Variants in LDB2 observed in about 807,000 individuals in gnomAD.
LDB2 encodes LIM domain-binding protein 2.
A neutral mutation model predicts 44.3 loss-of-function variants in LDB2; 12 were observed. The ratio of observed to expected loss-of-function variants is 0.27; its 90% confidence interval spans 0.17 to 0.44. LDB2 has a LOEUF of 0.44. Among genes scored for constraint, LDB2 ranks in the 20% least tolerant of loss-of-function variants. The pLI, the probability that LDB2 is intolerant of heterozygous loss-of-function variation, is 1.00. For missense variants in LDB2, 344 were observed against 473.5 expected (o/e 0.73, Z 2.54); for synonymous variants, 164 against 174.8 (o/e 0.94, Z 0.49).
intron 2 of LDB2, among the ~76,000 whole-genome samples, chr4:16,745,891 G>T (rs1401111179): frequency 7.0e-6 from 1 of 142,006 alleles, no homozygotes; most frequent in Non-Finnish European, 1.5e-5. Flanking sequence ...ATTCTCTATT[G>T]TTGAAAAAAA....
chr4:16,695,502 T>C (rs535011684), intron 2 of LDB2, among the ~76,000 whole-genome samples: 1 of 151,780 alleles, frequency 6.6e-6, no homozygotes, highest in African/African-American at 2.4e-5. Context: ...TTATAAAACA[T>C]TGTAAAAAGA....
intron 5 of LDB2, among the ~76,000 whole-genome samples, chr4:16,547,297 G>A (rs1184572305): frequency 6.6e-6 from 1 of 152,198 alleles, no homozygotes; most frequent in Non-Finnish European, 1.5e-5. Context: ...GACCTTCAGA[G>A]GGAGCGCAGC....
At chr4:16,585,315 G>A (rs1254922435) in intron 5 of LDB2, among the ~76,000 whole-genome samples, 1 of 152,136 alleles carries the variant, frequency 6.6e-6, no homozygotes, top group African/African-American at 2.4e-5. Flanking sequence ...CACCACAATG[G>A]CAGGGGTGTT....
At chr4:16,812,131 T>C (rs1779994092) in intron 1 of LDB2, among the ~76,000 whole-genome samples, 1 of 152,154 alleles carries the variant, frequency 6.6e-6, no homozygotes, top group Non-Finnish European at 1.5e-5. Flanking sequence ...TTTAGCACAT[T>C]GATATTAGCA....
intron 1 of LDB2, among the ~76,000 whole-genome samples, chr4:16,810,480 T>C (rs1779630326): frequency 6.6e-6 from 1 of 152,168 alleles, no homozygotes; most frequent in African/African-American, 2.4e-5. Context: ...AAGATAAGGG[T>C]AGTTGTGATG....
chr4:16,720,932 C>T (rs1477085876), intron 2 of LDB2, among the ~76,000 whole-genome samples: 1 of 152,056 alleles, frequency 6.6e-6, no homozygotes, highest in Non-Finnish European at 1.5e-5. Context: ...TAGGCTGATC[C>T]AAGAGATGGA....
At chr4:16,749,397 A>AAAATAC (rs1216049640) in intron 2 of LDB2, among the ~76,000 whole-genome samples, 4 of 151,572 alleles carry the variant, frequency 2.6e-5, no homozygotes, top group African/African-American at 9.7e-5. Context: ...GTCTCTACTA[A>AAAATAC]AAATACAAAA....
At chr4:16,507,099 C>T (rs577605842) in intron 7 of LDB2, 1 of 152,064 alleles carries the variant, frequency 6.6e-6, no homozygotes, top group Non-Finnish European at 1.5e-5. Context: ...CCTCTTTTGG[C>T]TTTTTCCCCC....
chr4:16,538,648 T>G (rs1348579684), intron 5 of LDB2, among the ~76,000 whole-genome samples: 1 of 152,194 alleles, frequency 6.6e-6, no homozygotes, highest in Non-Finnish European at 1.5e-5. Flanking sequence ...TGTGTGAACT[T>G]GAGCAGATAA....
intron 5 of LDB2, among the ~76,000 whole-genome samples, chr4:16,549,825 G>C (rs1402803565): frequency 6.6e-6 from 1 of 152,172 alleles, no homozygotes; most frequent in East Asian, 1.9e-4. Flanking sequence ...CTCTGTAAGA[G>C]TTACAAAATA....
intron 2 of LDB2, among the ~76,000 whole-genome samples, chr4:16,607,096 A>T (rs1264829557): frequency 6.6e-6 from 1 of 152,236 alleles, no homozygotes; most frequent in African/African-American, 2.4e-5. Flanking sequence ...AGTGTTAAGC[A>T]GTTACTAAAA....
intron 5 of LDB2, among the ~76,000 whole-genome samples, chr4:16,561,628 A>G (rs1245652884): frequency 6.6e-6 from 1 of 152,224 alleles, no homozygotes; most frequent in African/African-American, 2.4e-5. Context: ...AATATCCTGA[A>G]AATGGCCATA....
intron 5 of LDB2, among the ~76,000 whole-genome samples, chr4:16,529,505 A>C (rs1325348035): frequency 2.0e-5 from 3 of 152,176 alleles, no homozygotes; most frequent in African/African-American, 7.2e-5. Flanking sequence ...CTCCAGTGTC[A>C]TTTCAATGTG....
chr4:16,857,466 G>A (rs1279384887), intron 1 of LDB2, among the ~76,000 whole-genome samples: 1 of 152,148 alleles, frequency 6.6e-6, no homozygotes, highest in Non-Finnish European at 1.5e-5. Context: ...GTTTAATTCA[G>A]ATCAAAAGCT....
intron 5 of LDB2, among the ~76,000 whole-genome samples, chr4:16,538,077 T>G (rs953107473): frequency 1.3e-5 from 2 of 152,210 alleles, no homozygotes; most frequent in South Asian, 4.1e-4. Context: ...CTTGTCAAAG[T>G]GGCTCTCAGA....
rs757268127 is a variant in LDB2, at chr4:16,502,724, C to T, written c.1041G>A (p.Gly347=). The part of the protein sequence containing the change: ...EEDFNNSPAL[G]NNSPWNSKPP... ...GTTTACTGTTCCACGGGCTGTTGTT[C>T]CCCAGCGCGGGTGAATTGTTGAAGT... The change falls in exon 8 of 8, where the codon GGG becomes GGA. Residue 347 remains glycine (G), a synonymous_variant. Coordinates refer to ENST00000304523, the MANE Select transcript of LDB2 (RefSeq NM_001290.5). 44 of 1,613,724 alleles carry T rather than the reference C, an allele frequency of 2.7e-5. No homozygotes were observed. Among genetic ancestry groups the T allele is most frequent in the South Asian group, 7.7e-5 (7 of 91,072 alleles).
At chr4:16,522,186 G>T (rs1444578089) in intron 5 of LDB2, among the ~76,000 whole-genome samples, 1 of 152,104 alleles carries the variant, frequency 6.6e-6, no homozygotes, top group African/African-American at 2.4e-5. Context: ...ATTACCAAGA[G>T]GGGGGCAGGG....
At chr4:16,733,020 G>T (rs10939689) in intron 2 of LDB2, among the ~76,000 whole-genome samples, 4,513 of 152,192 alleles carry the variant, frequency 0.03, 107 homozygotes, top group African/African-American at 0.066. Context: ...GGGAGAACTA[G>T]CCTTGACTGG....
intron 2 of LDB2, among the ~76,000 whole-genome samples, chr4:16,675,338 G>A (rs2152562568): frequency 6.6e-6 from 1 of 152,128 alleles, no homozygotes; most frequent in South Asian, 2.1e-4. Context: ...TTATTTTATG[G>A]CATGATATGT....
Sources: gnomAD v4.1 joint callset for allele counts (sites outside exome capture counted in the v4.1 genomes callset) on GRCh38, gnomAD v4.1.1 for gene constraint, MANE v1.5 for transcripts, NCBI Gene and HGNC (gene_info 2026-07-23, HGNC 2026-07-21) for gene names.